ANKRD31: variants seen among roughly 807,000 people sequenced by gnomAD.
The protein encoded by ANKRD31 is ankyrin repeat domain 31.
A neutral mutation model predicts 186.0 loss-of-function variants in ANKRD31; 147 were observed. That is an observed-to-expected ratio of 0.79 (90% CI 0.69 to 0.91). The LOEUF (loss-of-function observed/expected upper bound fraction) is 0.91. ANKRD31 is among the 40% of genes least tolerant of loss of function. ANKRD31 has a pLI of 0.00. For synonymous variants in ANKRD31, 673 were observed against 736.4 expected (o/e 0.91, Z 1.39); for missense variants, 1,986 against 2,148.8 (o/e 0.92, Z 1.50).
intron 1 of ANKRD31, among the ~76,000 whole-genome samples, chr5:75,234,832 G>GT (rs112042332): frequency 0.48 from 71,672 of 150,120 alleles, 18,898 homozygotes; most frequent in African/African-American, 0.72. Flanking sequence ...AATACTTTTT[G>GT]GTTTTTTTTT....
intron 17 of ANKRD31, among the ~76,000 whole-genome samples, chr5:75,128,346 A>G (rs1482470342): frequency 5.7e-5 from 4 of 70,624 alleles, no homozygotes; most frequent in African/African-American, 5.5e-4. Context: ...ACCATGGCAC[A>G]TGTATACTTA....
chr5:75,199,570 T>A lies in ANKRD31; in HGVS notation c.447+61A>T, dbSNP rs541167517. The A allele has an allele frequency of 6.2e-5, 84 of 1,347,718 alleles. 2 individuals carry two copies. In the South Asian group the frequency reaches 1.1e-3, roughly 18 times the overall value. The allele number at this position is 1,347,718 out of a possible 1,614,324, so 83.5% of individuals were successfully genotyped here. A position where few individuals can be genotyped will look rare whatever the true frequency, so the allele number is the denominator to read the frequency against. On this transcript the variant is annotated intron_variant, in intron 6 of 25. Transcript: ENST00000506364. The stretch of plus-strand genomic sequence containing the variant: ...AATGAGCTTGATACTTTAATCGACA[T>A]AATTTTTTAAAAAATCTAAACTCAC...
At chr5:75,087,958 A>G (rs548445705) in intron 23 of ANKRD31, among the ~76,000 whole-genome samples, 2 of 152,130 alleles carry the variant, frequency 1.3e-5, no homozygotes, top group African/African-American at 2.4e-5. Flanking sequence ...AGCCCTTCAC[A>G]TTATTTCTAT....
chr5:75,171,065 G>C (rs979905214), intron 10 of ANKRD31, among the ~76,000 whole-genome samples: 1 of 151,836 alleles, frequency 6.6e-6, no homozygotes, highest in Non-Finnish European at 1.5e-5. Flanking sequence ...AAAAAAAATG[G>C]ATCAATGAGA....
intron 2 of ANKRD31, among the ~76,000 whole-genome samples, chr5:75,230,022 A>T (rs1284788927): frequency 6.6e-6 from 1 of 151,870 alleles, no homozygotes; most frequent in East Asian, 1.9e-4. Context: ...GTTCACTGGC[A>T]TGTCTAAATG....
intron 25 of ANKRD31, among the ~76,000 whole-genome samples, chr5:75,070,620 T>C (rs1744149066): frequency 6.6e-6 from 1 of 152,266 alleles, no homozygotes; most frequent in African/African-American, 2.4e-5. Context: ...ACCTGTTCTT[T>C]TCTTCCACAT....
intron 21 of ANKRD31, 30 bp from the exon 22 acceptor site, chr5:75,105,248 G>A: frequency 6.9e-7 from 1 of 1,445,490 alleles, no homozygotes; most frequent in Non-Finnish European, 9.0e-7. Flanking sequence ...GAGAAAAAAT[G>A]CAATAACAGC....
Position 75,104,214 on chromosome 5 carries a change from A to C in ANKRD31, c.5331+14T>G, listed in dbSNP as rs1747140806. The stretch of plus-strand genomic sequence containing the variant: ...TAAAATTTGCATGATTTTAGAGAAA[A>C]AAATATAGAATACCTGTGTTTTGAA... On this transcript the variant is annotated intron_variant, in intron 22 of 25. Coordinates refer to ENST00000506364, the MANE Select transcript of ANKRD31 (RefSeq NM_001372053.1). The C allele has an allele frequency of 2.0e-6, 3 of 1,464,330 alleles. No homozygotes were observed. The highest frequency in any genetic ancestry group is 2.7e-6 in the Non-Finnish European group (3 of 1,111,566). 90.7% of individuals were successfully genotyped at this position (1,464,330 alleles called of 1,614,324 possible).
At chr5:75,097,127 C>T (rs1484897691) in intron 22 of ANKRD31, among the ~76,000 whole-genome samples, 3 of 152,142 alleles carry the variant, frequency 2.0e-5, no homozygotes, top group African/African-American at 7.2e-5. Flanking sequence ...CATACATATG[C>T]ATGTGTCTTT....
At position 75,236,667 on chromosome 5, in the gene ANKRD31, G is replaced by T. The variant is rs1758294441; in HGVS notation, c.20C>A (p.Ala7Asp). 6.5e-7 allele frequency: 1 copy of T among 1,536,208 alleles called. No individual in the cohort carries two copies. Among genetic ancestry groups the T allele is most frequent in the Non-Finnish European group, 8.7e-7 (1 of 1,146,300 alleles). MEEGVQ[A>D]PDWDSDETVI... is the part of the protein sequence containing the mutation. ...AGTTTCATCACTGTCCCAGTCTGGG[G>T]CCTGGACGCCTTCCTCCATCTTTGC... The change falls in exon 1 of 26, where the codon GCC becomes GAC. Residue 7 changes from alanine to aspartate, a missense_variant. Physicochemically the swap from Ala to Asp is moderately radical, Grantham distance 126 (BLOSUM62 -2). Transcript: ENST00000506364.
chr5:75,156,346 CT>C (rs1439922649), intron 11 of ANKRD31, among the ~76,000 whole-genome samples: 2 of 152,060 alleles, frequency 1.3e-5, no homozygotes, highest in Non-Finnish European at 2.9e-5. Context: ...TGTGCATGTC[CT>C]TCTGGTGTAT....
At chr5:75,114,919 T>C (rs558873461) in intron 19 of ANKRD31, among the ~76,000 whole-genome samples, 2 of 152,248 alleles carry the variant, frequency 1.3e-5, no homozygotes, top group Admixed American at 1.3e-4. Context: ...TGAAAGTTCA[T>C]ATGGAACCAA....
At position 75,146,684 on chromosome 5, in the gene ANKRD31, A is replaced by G; in HGVS notation, c.2727T>C (p.Ser909=). The G allele has an allele frequency of 1.3e-6, 2 of 1,536,306 alleles. No individual in the cohort carries two copies. The highest frequency in any genetic ancestry group is 1.7e-6 in the Non-Finnish European group (2 of 1,146,274). The part of the protein sequence containing the change: ...DNDDDDDCST[S]EKAITSKKVL... ...CCTTTTTAGATGTTATAGCCTTCTC[A>G]GAGGTAGAGCAATCATCATCATCAT... The change falls in exon 14 of 26, where the codon TCT becomes TCC. Residue 909 remains serine, a synonymous_variant. Transcript: ENST00000506364.
rs961960545 is a variant in ANKRD31, at chr5:75,111,539, G to A, written c.4243+974C>T. On this transcript the variant is annotated intron_variant, in intron 20 of 25. Coordinates refer to ENST00000506364, the MANE Select transcript of ANKRD31 (RefSeq NM_001372053.1). ...ATTTTTTTAAAGACTATACAAACATGAGTTAGGACAAGAGATGAACAGTTA... is the reference window on the plus strand; with the variant it reads ...ATTTTTTTAAAGACTATACAAACATAAGTTAGGACAAGAGATGAACAGTTA... Among the ~76,000 whole-genome samples the A allele has an allele frequency of 2.6e-5, 4 of 152,148 alleles. No homozygotes were observed. The East Asian group carries it at 7.7e-4, about 29-fold the overall frequency.
At chr5:75,145,664 T>C (rs1203285037) in intron 14 of ANKRD31, among the ~76,000 whole-genome samples, 1 of 152,030 alleles carries the variant, frequency 6.6e-6, no homozygotes, top group Non-Finnish European at 1.5e-5. Flanking sequence ...CAAACCACCA[T>C]GGCACATATA....
intron 25 of ANKRD31, among the ~76,000 whole-genome samples, chr5:75,068,897 A>G (rs1382435171): frequency 6.6e-6 from 1 of 151,292 alleles, no homozygotes; most frequent in African/African-American, 2.4e-5. Flanking sequence ...ATCAGCAGAA[A>G]AAGGATGGTG....
At chr5:75,143,775 TA>T (rs1373094536) in intron 15 of ANKRD31, among the ~76,000 whole-genome samples, 4 of 152,136 alleles carry the variant, frequency 2.6e-5, no homozygotes, top group Non-Finnish European at 5.9e-5. Flanking sequence ...TCCTCTAATA[TA>T]ATAAACTAGA....
chr5:75,127,726 T>C (rs1298635358), intron 17 of ANKRD31, among the ~76,000 whole-genome samples: 1 of 152,204 alleles, frequency 6.6e-6, no homozygotes, highest in African/African-American at 2.4e-5. Context: ...TGGGTGGAAA[T>C]GACACATGAA....
At chr5:75,202,822 G>C (rs1171472293) in intron 5 of ANKRD31, among the ~76,000 whole-genome samples, 1 of 152,240 alleles carries the variant, frequency 6.6e-6, no homozygotes, top group African/African-American at 2.4e-5. Flanking sequence ...GTAAAGGCAA[G>C]AGAGAGCTTC....
Sources: allele counts gnomAD v4.1 joint callset (sites outside exome capture counted in the v4.1 genomes callset), GRCh38; gene constraint gnomAD v4.1.1; transcripts MANE v1.5; gene names NCBI Gene and HGNC (gene_info 2026-07-23, HGNC 2026-07-21).